FXYD7: variants seen among roughly 807,000 people sequenced by gnomAD.
FXYD7 encodes FXYD domain containing ion transport regulator 7.
FXYD7 carries 7 observed loss-of-function variants against 15.3 expected under a neutral mutation model. The observed-to-expected ratio is 0.46, with a 90% CI of 0.26 to 0.86. The LOEUF is 0.86. Among genes scored for constraint, FXYD7 ranks in the 40% least tolerant of loss-of-function variants. The pLI is 0.16. For missense variants in FXYD7, 78 were observed against 100.6 expected, an observed-to-expected ratio of 0.78 and a Z score of 0.96; for synonymous variants, 39 against 39.3, an observed-to-expected ratio of 0.99 and a Z score of 0.03.
chr19:35,153,838 G>T, intron 5 of FXYD7, 56 bp from the exon 6 acceptor site: 2 of 1,564,038 alleles, frequency 1.3e-6, no homozygotes, highest in Non-Finnish European at 1.8e-6. Context: ...AACGAGCTGT[G>T]GGGAGGGAGG....
intron 1 of FXYD7, among the ~76,000 whole-genome samples, chr19:35,144,852 G>A (rs1028350480): frequency 1.3e-5 from 2 of 152,116 alleles, no homozygotes; most frequent in African/African-American, 4.8e-5. Context: ...ACAGGGGACC[G>A]CAGGTCTCGG....
rs572223452 is a variant in FXYD7, at chr19:35,143,652, C to G, written c.31+288C>G. 6.6e-6 allele frequency among the ~76,000 whole-genome samples: 1 copy of G among 151,958 alleles called. No homozygotes were observed. The highest frequency in any genetic ancestry group is 1.5e-5 in the Non-Finnish European group (1 of 67,992). ...GCTATGGCAACCGGGTGGCTGGTCC[C>G]GCACCGTGGTGGTAGCAGACGGGGA... is the stretch of plus-strand genomic sequence containing the variant. On this transcript the variant is annotated intron_variant, in intron 1 of 5. Coordinates refer to ENST00000270310, the MANE Select transcript of FXYD7 (RefSeq NM_022006.2). This position sits in a 1 kb window ranked among gnomAD's most constrained non-coding sequence, Gnocchi z 4.3.
At position 35,143,346 on chromosome 19, in the gene FXYD7, A is replaced by T. The variant is rs1424235783; in HGVS notation, c.13A>T (p.Thr5Ser). 26 of 1,523,590 alleles carry T rather than the reference A, an allele frequency of 1.7e-5. No individual in the cohort carries two copies. Among genetic ancestry groups the T allele is most frequent in the Non-Finnish European group, 2.2e-5 (25 of 1,137,578 alleles). 94.4% of individuals were successfully genotyped at this position (1,523,590 alleles called of 1,614,324 possible). MATP[T>S]QTPTKAPEEP... is the part of the protein sequence containing the mutation. The stretch of plus-strand genomic sequence containing the variant: ...GCTCCGGCCCAGCATGGCGACCCCG[A>T]CCCAGACCCCCACAAAGGGTGAGCG... The change falls in exon 1 of 6, where the codon ACC (threonine) becomes TCC (serine). Residue 5 changes from threonine (T) to serine (S), a missense_variant. Coordinates refer to ENST00000270310, the MANE Select transcript of FXYD7 (RefSeq NM_022006.2). This position sits in a 1 kb window ranked among gnomAD's most constrained non-coding sequence, Gnocchi z 4.3.
Position 35,151,765 on chromosome 19 carries a change from G to T in FXYD7, c.220+92G>T. On this transcript the variant is annotated intron_variant, in intron 5 of 5. Coordinates refer to ENST00000270310, the MANE Select transcript of FXYD7 (RefSeq NM_022006.2). ...GGGAAGTCGCGGGGATGGACTGGAC[G>T]CAGGGGGCGGAGGGGGGGTGGTGCC... 3 of 806,428 alleles carry T rather than the reference G, an allele frequency of 3.7e-6. No homozygotes were observed. The South Asian group carries it at 4.0e-5, about 11-fold the overall frequency. The allele number at this position is 806,428 out of a possible 1,614,324, so 50.0% of individuals were successfully genotyped here.
rs1036941953 is a variant in FXYD7, at chr19:35,149,145, C to T, written c.61+422C>T. On this transcript the variant is annotated intron_variant, in intron 2 of 5. Coordinates refer to ENST00000270310, the MANE Select transcript of FXYD7 (RefSeq NM_022006.2). ...TAGTAATAGTTCCCACCTATGAGGACTGTGGGAAAGATACCTGACTGGTGG... is the reference window on the plus strand; with the variant it reads ...TAGTAATAGTTCCCACCTATGAGGATTGTGGGAAAGATACCTGACTGGTGG... The T allele has an allele frequency of 1.4e-5, 6 of 426,776 alleles. No homozygotes were observed. In the Admixed American group the frequency reaches 1.5e-4, roughly 11 times the overall value. 26.4% of individuals were successfully genotyped at this position (426,776 alleles called of 1,614,324 possible). A position where few individuals can be genotyped will look rare whatever the true frequency, so the allele number is the denominator to read the frequency against.
rs199623974 is a variant in FXYD7 at position 35,151,628 on chromosome 19, C to T, written c.180-5C>T. 3.7e-5 allele frequency: 60 copies of T among 1,612,796 alleles called. No individual in the cohort carries two copies. Among genetic ancestry groups the T allele is most frequent in the Non-Finnish European group, 4.2e-5 (50 of 1,178,786 alleles). On this transcript the variant is annotated splice_region_variant and splice_polypyrimidine_tract_variant and intron_variant, in intron 4 of 5. Transcript: ENST00000270310. ...TACTTTTCTCTCTCATCTCTGCCTC[C>T]ACAGCCCAACCTGCAAATCCTGTAA...
rs572730271 is a variant in FXYD7 at position 35,145,382 on chromosome 19, A to G, written c.31+2018A>G. 1.6e-4 allele frequency among the ~76,000 whole-genome samples: 24 copies of G among 152,344 alleles called. 1 individual carries two copies. The highest frequency in any genetic ancestry group is 8.8e-5 in the Non-Finnish European group (6 of 68,030). On this transcript the variant is annotated intron_variant, in intron 1 of 5. Transcript: ENST00000270310. ...CAGGGACCAGAGGAGGATCTTCCGCATGGAGGAGGATCTTCCACATGGAAC... is the reference window on the plus strand; with the variant it reads ...CAGGGACCAGAGGAGGATCTTCCGCGTGGAGGAGGATCTTCCACATGGAAC...
chr19:35,149,775 C>A (rs1227380327), intron 2 of FXYD7: 1 of 152,194 alleles, frequency 6.6e-6, no homozygotes. Context: ...CTCAAGAAAA[C>A]AAAATATGAA....
In FXYD7 at chr19:35,143,517, C is replaced by T. The variant is rs570830909; in HGVS notation, c.31+153C>T. 6.6e-6 allele frequency among the ~76,000 whole-genome samples: 1 copy of T among 152,348 alleles called. No individual in the cohort carries two copies. Among genetic ancestry groups the T allele is most frequent in the African/African-American group, 2.4e-5 (1 of 41,592 alleles). On this transcript the variant is annotated intron_variant, in intron 1 of 5. Transcript: ENST00000270310. The surrounding 1 kb of genome is among the most constrained non-coding windows in gnomAD (Gnocchi z 4.3). Reference sequence around the variant, plus strand: ...GGGCGGAAGCCCCTGTAATGCGCCCCCCCGATCGCCCCTCCGGGTCTCTGG... The same window carrying T: ...GGGCGGAAGCCCCTGTAATGCGCCCTCCCGATCGCCCCTCCGGGTCTCTGG...
chr19:35,152,090 G>A (rs1299489536), intron 5 of FXYD7, among the ~76,000 whole-genome samples: 1 of 141,248 alleles, frequency 7.1e-6, no homozygotes, highest in Non-Finnish European at 1.5e-5. Context: ...AATGAGCTGA[G>A]GTTGTGCCAC....
At position 35,143,391 on chromosome 19, in the gene FXYD7, CA is replaced by C. The variant is rs913093442; in HGVS notation, c.31+28del. On this transcript the variant is annotated intron_variant, in intron 1 of 5. Transcript: ENST00000270310. This position sits in a 1 kb window ranked among gnomAD's most constrained non-coding sequence, Gnocchi z 4.3. ...TGAGCGTCGTTTGGGGAGGGGGTTG[CA>C]GGGGGGCTCCGGGATCTGAGAGCCT... 1.3e-6 allele frequency: 2 copies of C among 1,489,876 alleles called. No individual in the cohort carries two copies. Among genetic ancestry groups the C allele is most frequent in the African/African-American group, 2.9e-5 (2 of 67,968 alleles). 92.3% of individuals were successfully genotyped at this position (1,489,876 alleles called of 1,614,324 possible). A position where few individuals can be genotyped will look rare whatever the true frequency, so the allele number is the denominator to read the frequency against.
At chr19:35,146,588 T>C (rs1288672654) in intron 1 of FXYD7, among the ~76,000 whole-genome samples, 1 of 152,028 alleles carries the variant, frequency 6.6e-6, no homozygotes, top group Non-Finnish European at 1.5e-5. Context: ...AGATTAAGAG[T>C]AAATGCGCTG....
At chr19:35,144,694 G>A (rs542128717) in intron 1 of FXYD7, among the ~76,000 whole-genome samples, 1 of 150,288 alleles carries the variant, frequency 6.7e-6, no homozygotes, top group Non-Finnish European at 1.5e-5. Flanking sequence ...AGGGGGGCAG[G>A]GCTGAGGCAG....
intron 1 of FXYD7, 128 bp from the exon 2 acceptor site, chr19:35,148,566 G>C: frequency 1.3e-6 from 1 of 755,022 alleles, no homozygotes. Context: ...TCCAAACCAA[G>C]GGGTCTCTAT....
rs578257897 is a variant in FXYD7, at chr19:35,146,149, T to C, written c.32-2545T>C. Among the ~76,000 whole-genome samples, 16 of 150,588 alleles carry C rather than the reference T, an allele frequency of 1.1e-4. No homozygotes were observed. The South Asian group carries it at 3.4e-3, about 32-fold the overall frequency. ...ACAACTGGAAAATTAATCTTCTTTTTTTTTTTGAGACAGAGTCTCGCTCTG... is the reference window on the plus strand; with the variant it reads ...ACAACTGGAAAATTAATCTTCTTTTCTTTTTTGAGACAGAGTCTCGCTCTG... On this transcript the variant is annotated intron_variant, in intron 1 of 5. Coordinates refer to ENST00000270310, the MANE Select transcript of FXYD7 (RefSeq NM_022006.2).
At chr19:35,146,503 C>T (rs757543140) in intron 1 of FXYD7, among the ~76,000 whole-genome samples, 13 of 152,132 alleles carry the variant, frequency 8.5e-5, no homozygotes, top group East Asian at 1.9e-4. Context: ...CAGGTGATTT[C>T]GCTTTTCTGG....
At chr19:35,149,274 A>C (rs2065301482) in intron 2 of FXYD7, 5 of 324,276 alleles carry the variant, frequency 1.5e-5, no homozygotes, top group Admixed American at 3.9e-5. Context: ...CCCCCACCCC[A>C]CCCCTTTGCT....
intron 5 of FXYD7, among the ~76,000 whole-genome samples, chr19:35,152,706 G>A (rs893473191): frequency 2.0e-5 from 3 of 151,806 alleles, no homozygotes; most frequent in Non-Finnish European, 4.4e-5. Flanking sequence ...GAGGATGGGA[G>A]GAGGAGGGCG....
chr19:35,153,640 C>T (rs1183135699), intron 5 of FXYD7, among the ~76,000 whole-genome samples: 1 of 152,104 alleles, frequency 6.6e-6, no homozygotes, highest in Non-Finnish European at 1.5e-5. Context: ...GGCGGATAGC[C>T]CCAAAAGCCC....
Sources: allele counts gnomAD v4.1 joint callset (sites outside exome capture counted in the v4.1 genomes callset), GRCh38; gene constraint gnomAD v4.1.1; non-coding constraint Gnocchi (gnomAD v3.1); transcripts MANE v1.5; gene names NCBI Gene and HGNC (gene_info 2026-07-23, HGNC 2026-07-21).